PUM3: variants seen among roughly 807,000 people sequenced by gnomAD.
The protein encoded by PUM3 is pumilio RNA binding family member 3.
In PUM3, 91 loss-of-function variants were observed where a neutral mutation model predicts 84.0. The observed-to-expected ratio is 1.08, with a 90% CI of 0.91 to 1.29. PUM3 has a LOEUF of 1.29. PUM3 is among the 50% of genes most tolerant of loss of function. The pLI, the probability that PUM3 is intolerant of heterozygous loss-of-function variation, is 0.00. For synonymous variants in PUM3, 321 were observed against 266.7 expected (o/e 1.20, Z -1.98); for missense variants, 1,067 against 767.5 (o/e 1.39, Z -4.61).
In PUM3 at chr9:2,833,406, A is replaced by C; in HGVS notation, c.467T>G (p.Val156Gly). ...CTTCTGCAAATCACTCATTAACTTT[A>C]CTCTTTTTTCTTTGTCACAGTCTTT... Reference protein sequence around the residue: ...RRKDCDKEKRVKLMSDLQKLI... With the variant: ...RRKDCDKEKRGKLMSDLQKLI... Residue 156 changes from valine to glycine, a missense_variant, in exon 5 of 18, where the codon GTA (valine) becomes GGA (glycine). Coordinates refer to ENST00000397885, the MANE Select transcript of PUM3 (RefSeq NM_014878.5). The C allele has an allele frequency of 6.3e-7, 1 of 1,588,912 alleles. No individual in the cohort carries two copies. The highest frequency in any genetic ancestry group is 8.6e-7 in the Non-Finnish European group (1 of 1,160,192).
chr9:2,821,514 G>A (rs988669439), intron 12 of PUM3, among the ~76,000 whole-genome samples: 3 of 147,782 alleles, frequency 2.0e-5, no homozygotes, highest in East Asian at 2.0e-4. Context: ...GTCTTTAAAT[G>A]TATGAAATAA....
rs750502135 is a variant in PUM3, at chr9:2,804,383, G to A, written c.1895C>T (p.Thr632Ile). The A allele has an allele frequency of 5.6e-6, 9 of 1,613,802 alleles. No individual in the cohort carries two copies. The East Asian group carries it at 2.0e-4, about 36-fold the overall frequency. Residue 632 changes from threonine to isoleucine, a missense_variant, in exon 18 of 18, where the codon ACC (threonine) becomes ATC (isoleucine). Physicochemically the swap from Thr to Ile is moderately conservative, Grantham distance 89. Transcript: ENST00000397885. ...LKSLIPTLEK[T>I]KSTSKGIEIL... ...TTCTATTCCTTTGCTGGTGCTTTTG[G>A]TTTTTTCCAATGTAGGAATCAAGCT...
At chr9:2,815,348 C>G (rs1821449614) in intron 13 of PUM3, among the ~76,000 whole-genome samples, 1 of 152,130 alleles carries the variant, frequency 6.6e-6, no homozygotes, top group South Asian at 2.1e-4. Flanking sequence ...GAGTACTACT[C>G]CATTTCTCTT....
At chr9:2,840,809 C>G (rs879716291) in intron 1 of PUM3, among the ~76,000 whole-genome samples, 2 of 152,168 alleles carry the variant, frequency 1.3e-5, no homozygotes, top group Non-Finnish European at 2.9e-5. Context: ...TTTCCTTAAC[C>G]TAGCCCTGAA....
intron 8 of PUM3, 53 bp downstream of exon 8, chr9:2,829,721 G>A (rs1204930189): frequency 7.4e-6 from 11 of 1,491,618 alleles, no homozygotes; most frequent in Non-Finnish European, 8.3e-6. Flanking sequence ...GGAAGTTAAG[G>A]AAGAGCATAT....
intron 16 of PUM3, 47 bp downstream of exon 16, chr9:2,810,297 T>A (rs746126643): frequency 1.6e-6 from 2 of 1,248,190 alleles, no homozygotes; most frequent in East Asian, 4.6e-5. Context: ...CAGGAATTAC[T>A]GGAATTCCAC....
chr9:2,828,834 A>G, intron 8 of PUM3, 56 bp from the exon 9 acceptor site: 1 of 977,822 alleles, frequency 1.0e-6, no homozygotes, highest in Non-Finnish European at 1.6e-6. Context: ...TTTTCACTTC[A>G]GGAAAAAGAA....
Position 2,819,117 on chromosome 9 carries a change from C to T in PUM3, c.1269+901G>A, listed in dbSNP as rs77221930. Among the ~76,000 whole-genome samples the T allele has an allele frequency of 4.2e-3, 647 of 152,296 alleles. 3 individuals are homozygous for T. Among genetic ancestry groups the T allele is most frequent in the Middle Eastern group, 0.017 (5 of 294 alleles). On this transcript the variant is annotated intron_variant, in intron 13 of 17. Coordinates refer to ENST00000397885, the MANE Select transcript of PUM3 (RefSeq NM_014878.5). ...TATACAGATTATGTGGTTTTCCAGA[C>T]GTTTCCAAGTTTGGTCACTACTATC...
rs576477673 is a variant in PUM3, at chr9:2,815,261, T to C, written c.1270-2899A>G. Among the ~76,000 whole-genome samples, 4 of 152,232 alleles carry C rather than the reference T, an allele frequency of 2.6e-5. 1 individual carries two copies. The highest frequency in any genetic ancestry group is 7.2e-5 in the African/African-American group (3 of 41,550). On this transcript the variant is annotated intron_variant, in intron 13 of 17. Coordinates refer to ENST00000397885, the MANE Select transcript of PUM3 (RefSeq NM_014878.5). ...CCACCTTATTGATCAGCAAAAAAAA[T>C]GTAGTATCATTTAATCCTTCCCCAG...
At chr9:2,818,577 C>G (rs909486269) in intron 13 of PUM3, among the ~76,000 whole-genome samples, 4 of 152,198 alleles carry the variant, frequency 2.6e-5, no homozygotes, top group African/African-American at 9.7e-5. Flanking sequence ...CAACTTTATT[C>G]ATCAGCCAAT....
At position 2,835,374 on chromosome 9, in the gene PUM3, C is replaced by T. The variant is rs183666072; in HGVS notation, c.305-1208G>A. Among the ~76,000 whole-genome samples, 550 of 152,210 alleles carry T rather than the reference C, an allele frequency of 3.6e-3. 2 individuals carry two copies. The highest frequency in any genetic ancestry group is 0.013 in the African/African-American group (534 of 41,556). On this transcript the variant is annotated intron_variant, in intron 3 of 17. Coordinates refer to ENST00000397885, the MANE Select transcript of PUM3 (RefSeq NM_014878.5). The stretch of plus-strand genomic sequence containing the variant: ...TTGAGGATGCAGTGAGCCATCATCA[C>T]GCCATTGCACTTCACAGTCTGGGCA...
At chr9:2,833,712 T>C (rs1301453821) in intron 4 of PUM3, among the ~76,000 whole-genome samples, 1 of 151,924 alleles carries the variant, frequency 6.6e-6, no homozygotes, top group African/African-American at 2.4e-5. Flanking sequence ...AAATCTAAGA[T>C]AACAAATACT....
chr9:2,842,098 C>T (rs1816281312), intron 1 of PUM3, among the ~76,000 whole-genome samples: 1 of 152,130 alleles, frequency 6.6e-6, no homozygotes, highest in South Asian at 2.1e-4. Flanking sequence ...CAATATGTAA[C>T]TTTTTGAGTC....
In PUM3 at chr9:2,811,519, A is replaced by G. The variant is rs756429354; in HGVS notation, c.1477T>C (p.Tyr493His). 6.2e-7 allele frequency: 1 copy of G among 1,614,206 alleles called. No homozygotes were observed. The highest frequency in any genetic ancestry group is 1.1e-5 in the South Asian group (1 of 91,088). ...ACTTCTTGGGCGTGTTCTTGCAGGT[A>G]GCTTAACAAAGCTGGAGAAATGGAT... ...LESISPALLS[Y>H]LQEHAQEVVL... Residue 493 changes from tyrosine (Y) to histidine (H), a missense_variant, in exon 15 of 18, where the codon TAC becomes CAC. Physicochemically the swap from Tyr to His is moderately conservative, Grantham distance 83 (BLOSUM62 2). Transcript: ENST00000397885.
At chr9:2,805,907 G>A (rs1403745103) in intron 17 of PUM3, among the ~76,000 whole-genome samples, 1 of 152,068 alleles carries the variant, frequency 6.6e-6, no homozygotes, top group Non-Finnish European at 1.5e-5. Flanking sequence ...CCAAATGTTA[G>A]AGAATTCTGC....
chr9:2,818,312 G>C (rs1233404894), intron 13 of PUM3, among the ~76,000 whole-genome samples: 2 of 152,222 alleles, frequency 1.3e-5, no homozygotes, highest in Admixed American at 6.5e-5. Flanking sequence ...CTAAGTATGA[G>C]AAAGTCGTTA....
rs765743362 is a variant in PUM3, at chr9:2,807,842, C to T, written c.1786G>A (p.Val596Ile). 2 of 1,613,528 alleles carry T rather than the reference C, an allele frequency of 1.2e-6. No individual in the cohort carries two copies. Among genetic ancestry groups the T allele is most frequent in the African/African-American group, 2.7e-5 (2 of 74,928 alleles). Reference sequence around the variant, plus strand: ...GAAAGAATAATGGCACCTCGATTTACACTAGCCCAGGACTTCAGGTTCTTC... The same window carrying T: ...GAAAGAATAATGGCACCTCGATTTATACTAGCCCAGGACTTCAGGTTCTTC... ...GMKNLKSWASVNRGAIILSSL... is the reference protein window; with the variant it reads ...GMKNLKSWASINRGAIILSSL... Residue 596 changes from valine to isoleucine, a missense_variant, in exon 17 of 18, where the codon GTA becomes ATA. Val to Ile is a conservative substitution (Grantham distance 29). Coordinates refer to ENST00000397885, the MANE Select transcript of PUM3 (RefSeq NM_014878.5).
At chr9:2,815,531 A>G (rs1821452787) in intron 13 of PUM3, among the ~76,000 whole-genome samples, 1 of 152,244 alleles carries the variant, frequency 6.6e-6, no homozygotes, top group African/African-American at 2.4e-5. Flanking sequence ...TGGCAAATCC[A>G]TTAAACTCTT....
At chr9:2,819,741 A>G (rs1197395762) in intron 13 of PUM3, among the ~76,000 whole-genome samples, 1 of 152,240 alleles carries the variant, frequency 6.6e-6, no homozygotes, top group Non-Finnish European at 1.5e-5. Flanking sequence ...CGTATGTTCT[A>G]AAGTACCATG....
Sources: gnomAD v4.1 joint callset for allele counts (sites outside exome capture counted in the v4.1 genomes callset) on GRCh38, gnomAD v4.1.1 for gene constraint, MANE v1.5 for transcripts, NCBI Gene and HGNC (gene_info 2026-07-23, HGNC 2026-07-21) for gene names.